Variants in HUWE1 observed in about 807,000 individuals in gnomAD.
HUWE1 encodes the protein E3 ubiquitin-protein ligase HUWE1.
In HUWE1, 18 loss-of-function variants were observed where a neutral mutation model predicts 299.4. The observed-to-expected ratio is 0.06, with a 90% CI of 0.04 to 0.09. The LOEUF (loss-of-function observed/expected upper bound fraction) is 0.09, where lower values mean the gene tolerates loss of function less well. HUWE1 is among the 10% of genes least tolerant of loss of function. The probability of loss-of-function intolerance (pLI) is 1.00; values close to 1 mark genes in which losing one functional copy is unlikely to be tolerated. For synonymous variants in HUWE1, 1,317 were observed against 1,286.1 expected (o/e 1.02, Z -0.51); for missense variants, 1,832 against 3,462.3 (o/e 0.53, Z 11.82).
intron 6 of HUWE1, among the ~76,000 whole-genome samples, chrX:53,645,736 A>AAAT (rs2067967606): frequency 3.8e-5 from 1 of 26,129 alleles, no homozygotes; most frequent in African/African-American, 1.5e-4. Flanking sequence ...AAAAAAAAAA[A>AAAT]ATATATATAT....
chrX:53,546,904 G>A (rs1556923486), intron 68 of HUWE1, 79 bp from the exon 69 acceptor site: 8 of 1,102,698 alleles, frequency 7.3e-6, no homozygotes, highest in African/African-American at 1.8e-5. Flanking sequence ...TCAAGGAATC[G>A]CTGAATTGCC....
chrX:53,636,270 A>G (rs781799579), intron 7 of HUWE1, among the ~76,000 whole-genome samples: 1 of 113,048 alleles, frequency 8.8e-6, no homozygotes, highest in South Asian at 3.6e-4. Flanking sequence ...GGAACCCCAT[A>G]AGCCCACACC....
At chrX:53,672,084 T>G (rs1056856244) in intron 3 of HUWE1, among the ~76,000 whole-genome samples, 4 of 109,993 alleles carry the variant, frequency 3.6e-5, no homozygotes, top group Admixed American at 9.7e-5. Context: ...GGGGTCAATA[T>G]GTGGGAAGAG....
At chrX:53,591,783 C>T (rs2064175763) in intron 33 of HUWE1, among the ~76,000 whole-genome samples, 1 of 111,716 alleles carries the variant, frequency 9.0e-6, no homozygotes, top group Non-Finnish European at 1.9e-5. Context: ...TTGTATTTTC[C>T]AAATTTGGTA....
intron 24 of HUWE1, among the ~76,000 whole-genome samples, 157 bp downstream of exon 24, chrX:53,608,695 C>G (rs782072142): frequency 3.6e-5 from 4 of 111,976 alleles, no homozygotes; most frequent in Admixed American, 9.4e-5. Flanking sequence ...TCTGGCAAAC[C>G]AGTCTAGAAC....
chrX:53,600,334 A>C, intron 28 of HUWE1, 25 bp from the exon 29 acceptor site: 1 of 1,107,133 alleles, frequency 9.0e-7, no homozygotes, highest in Non-Finnish European at 1.2e-6. Flanking sequence ...GAGGGGAGCA[A>C]TAGGACAATG....
At position 53,548,989 on chromosome X, in the gene HUWE1, G is replaced by A. The variant is rs782029065; in HGVS notation, c.10005C>T (p.His3335=). Residue 3335 remains histidine, a synonymous_variant, in exon 67 of 84, where the codon CAC becomes CAT. Transcript: ENST00000262854. ...HPQAAPVVCR[H]VLDTLIQLAK... ...CCAATTGAATGAGTGTATCCAAAACGTGTCTGCAGACAACAGGAGCAGCTT... is the reference window on the plus strand; with the variant it reads ...CCAATTGAATGAGTGTATCCAAAACATGTCTGCAGACAACAGGAGCAGCTT... The A allele has an allele frequency of 4.8e-5, 58 of 1,203,459 alleles. No individual in the cohort carries two copies. The highest frequency in any genetic ancestry group is 1.3e-4 in the South Asian group (7 of 55,727).
intron 42 of HUWE1, among the ~76,000 whole-genome samples, chrX:53,581,326 A>G (rs1339786041): frequency 8.9e-6 from 1 of 112,435 alleles, no homozygotes; most frequent in Non-Finnish European, 1.9e-5. Context: ...AGCCTCTCCA[A>G]ATGCTGTCAC....
intron 7 of HUWE1, among the ~76,000 whole-genome samples, chrX:53,638,316 G>A (rs1318772543): frequency 9.0e-6 from 1 of 111,268 alleles, no homozygotes; most frequent in Non-Finnish European, 1.9e-5. Context: ...CTCCAGCCTG[G>A]GGGACAGAGC....
chrX:53,618,243 T>C (rs1447172278), intron 19 of HUWE1, among the ~76,000 whole-genome samples: 1 of 111,403 alleles, frequency 9.0e-6, no homozygotes, highest in African/African-American at 3.3e-5. Flanking sequence ...TGGAAAAGCT[T>C]ATAAACCTAT....
At chrX:53,571,365 AT>A (rs1283078493) in intron 47 of HUWE1, among the ~76,000 whole-genome samples, 5 of 112,565 alleles carry the variant, frequency 4.4e-5, no homozygotes, top group Non-Finnish European at 9.4e-5. Flanking sequence ...TAATCCTAGC[AT>A]TTTGGGAGGC....
intron 3 of HUWE1, among the ~76,000 whole-genome samples, chrX:53,663,719 C>T (rs1454644221): frequency 9.0e-6 from 1 of 110,883 alleles, no homozygotes; most frequent in Non-Finnish European, 1.9e-5. Context: ...ATATAATAAG[C>T]ACTTATGCAG....
chrX:53,663,124 A>G (rs895298495), intron 3 of HUWE1, among the ~76,000 whole-genome samples: 3 of 112,418 alleles, frequency 2.7e-5, no homozygotes, highest in African/African-American at 6.5e-5. Context: ...TTGACAAGCA[A>G]TTGTTTCAGT....
intron 3 of HUWE1, among the ~76,000 whole-genome samples, chrX:53,664,462 A>C (rs1445177815): frequency 5.4e-5 from 6 of 111,669 alleles, no homozygotes; most frequent in Non-Finnish European, 9.4e-5. Context: ...CTACTCTAGG[A>C]GCTTCTTCCC....
chrX:53,568,550 G>C (rs1279434633), intron 49 of HUWE1, 142 bp downstream of exon 49: 1 of 469,706 alleles, frequency 2.1e-6, no homozygotes, highest in East Asian at 3.8e-5. Context: ...CTTTAAGAAA[G>C]ACAAGTGCTA....
chrX:53,654,223 A>G lies in HUWE1; in HGVS notation c.-24-92T>C, dbSNP rs1451559366. 1.6e-5 allele frequency: 9 copies of G among 562,147 alleles called. No homozygotes were observed. In the African/African-American group the frequency reaches 2.1e-4, roughly 13 times the overall value. 46.3% of individuals were successfully genotyped at this position (562,147 alleles called of 1,213,427 possible). A position where few individuals can be genotyped will look rare whatever the true frequency, so the allele number is the denominator to read the frequency against. On this transcript the variant is annotated intron_variant, in intron 3 of 83. Transcript: ENST00000262854. ...ACACAGACAATACAGAATGAAGAGC[A>G]ATGCAAAATGCTTAAAGTAAAAACA...
chrX:53,677,098 G>A (rs1269829540), intron 3 of HUWE1, among the ~76,000 whole-genome samples: 7 of 11,733 alleles, frequency 6.0e-4, no homozygotes, highest in African/African-American at 1.6e-3. Context: ...CCACCCCCCC[G>A]CAATATATTT....
chrX:53,585,523 G>C (rs1487255722), intron 39 of HUWE1, among the ~76,000 whole-genome samples: 1 of 111,362 alleles, frequency 9.0e-6, no homozygotes, highest in Non-Finnish European at 1.9e-5. Flanking sequence ...TCCACGGACT[G>C]GGTTAGTTAT....
chrX:53,571,643 A>G (rs1337728260), intron 47 of HUWE1, among the ~76,000 whole-genome samples: 1 of 111,990 alleles, frequency 8.9e-6, no homozygotes, highest in Admixed American at 9.5e-5. Flanking sequence ...TATGTCCAGA[A>G]TATATTTTAA....
Sources: allele counts gnomAD v4.1 joint callset (sites outside exome capture counted in the v4.1 genomes callset), GRCh38; gene constraint gnomAD v4.1.1; transcripts MANE v1.5; gene names NCBI Gene and HGNC (gene_info 2026-07-23, HGNC 2026-07-21).